CSMD1: variants seen among roughly 807,000 people sequenced by gnomAD.
CSMD1 encodes CUB and sushi domain-containing protein 1.
A neutral mutation model predicts 417.5 loss-of-function variants in CSMD1; 213 were observed. The observed-to-expected ratio is 0.51, with a 90% CI of 0.46 to 0.57. The LOEUF is 0.57. CSMD1 is among the 20% of genes least tolerant of loss of function. The pLI is 0.00. For synonymous variants in CSMD1, 2,862 were observed against 1,736.8 expected (o/e 1.65, Z -16.11); for missense variants, 6,923 against 4,529.7 (o/e 1.53, Z -15.17).
chr8:4,618,208 C>G (rs954274627), intron 2 of CSMD1, among the ~76,000 whole-genome samples: 2 of 152,158 alleles, frequency 1.3e-5, no homozygotes, highest in Non-Finnish European at 2.9e-5. Context: ...TTTCCCCCAT[C>G]TGGAAAGACT....
At chr8:4,170,795 G>A (rs980176430) in intron 3 of CSMD1, among the ~76,000 whole-genome samples, 1 of 151,604 alleles carries the variant, frequency 6.6e-6, no homozygotes, top group African/African-American at 2.4e-5. Context: ...GTTCTGTTTG[G>A]GGATTACCTA....
At chr8:4,407,098 T>A (rs1585027672) in intron 3 of CSMD1, among the ~76,000 whole-genome samples, 1 of 152,180 alleles carries the variant, frequency 6.6e-6, no homozygotes, top group Non-Finnish European at 1.5e-5. Flanking sequence ...TTTCATACTG[T>A]AGCAGCAGAG....
At chr8:3,099,993 G>A (rs1354524770) in intron 46 of CSMD1, among the ~76,000 whole-genome samples, 5 of 151,970 alleles carry the variant, frequency 3.3e-5, no homozygotes, top group Non-Finnish European at 7.4e-5. Context: ...CATACATATT[G>A]TTTTCAAAAT....
intron 1 of CSMD1, among the ~76,000 whole-genome samples, chr8:4,841,037 G>C (rs141700424): frequency 1.9e-4 from 29 of 152,286 alleles, no homozygotes; most frequent in African/African-American, 7.0e-4. Context: ...CACCCTGTCA[G>C]CACCAACGTT....
chr8:3,047,667 G>A (rs754511467), intron 50 of CSMD1, among the ~76,000 whole-genome samples: 2 of 152,120 alleles, frequency 1.3e-5, no homozygotes, highest in Middle Eastern at 3.2e-3. Flanking sequence ...CCCAACCAAC[G>A]ACTTAAAACC....
chr8:3,108,050 C>T lies in CSMD1; in HGVS notation c.6755-252G>A, dbSNP rs925801010. Among the ~76,000 whole-genome samples, 24 of 152,118 alleles carry T rather than the reference C, an allele frequency of 1.6e-4. No individual in the cohort carries two copies. The South Asian group carries it at 3.3e-3, about 21-fold the overall frequency. ...TTTTAAAGTATACCATTTAAATAAA[C>T]ACACTTTACAGATGTTTGGAATTCT... On this transcript the variant is annotated intron_variant, in intron 44 of 69. Coordinates refer to ENST00000635120, the MANE Select transcript of CSMD1 (RefSeq NM_033225.6).
chr8:3,930,852 A>T (rs1292411481), intron 5 of CSMD1, among the ~76,000 whole-genome samples: 2 of 150,828 alleles, frequency 1.3e-5, no homozygotes, highest in East Asian at 3.9e-4. Context: ...TAGATATCTT[A>T]ATAGTTAACT....
chr8:4,671,635 A>C (rs544939565), intron 1 of CSMD1, among the ~76,000 whole-genome samples: 1 of 152,154 alleles, frequency 6.6e-6, no homozygotes, highest in Admixed American at 6.5e-5. Flanking sequence ...AGAGAGCTTC[A>C]ACTAAAACGT....
chr8:4,550,296 C>G (rs866392858), intron 2 of CSMD1, among the ~76,000 whole-genome samples: 1 of 150,674 alleles, frequency 6.6e-6, no homozygotes, highest in South Asian at 2.1e-4. Flanking sequence ...ATGAGGAATA[C>G]AACACATTTC....
intron 4 of CSMD1, among the ~76,000 whole-genome samples, chr8:4,030,162 T>C (rs895590102): frequency 4.0e-5 from 6 of 151,374 alleles, no homozygotes; most frequent in Non-Finnish European, 7.4e-5. Context: ...TCTACCATTC[T>C]GGAGTCTGAA....
intron 2 of CSMD1, among the ~76,000 whole-genome samples, chr8:4,600,213 T>C (rs369176428): frequency 9.4e-5 from 8 of 84,950 alleles, no homozygotes; most frequent in African/African-American, 2.8e-4. Flanking sequence ...TATCTGGCCA[T>C]GGACCCTCCT....
intron 23 of CSMD1, among the ~76,000 whole-genome samples, chr8:3,324,079 C>G (rs1479758041): frequency 6.7e-6 from 1 of 149,298 alleles, no homozygotes; most frequent in Admixed American, 6.7e-5. Flanking sequence ...CACCCAACCC[C>G]AGAGACCCAG....
intron 20 of CSMD1, among the ~76,000 whole-genome samples, chr8:3,363,640 G>A (rs1317021966): frequency 6.6e-6 from 1 of 152,134 alleles, no homozygotes; most frequent in East Asian, 1.9e-4. Flanking sequence ...CCATTCTCCT[G>A]CCTCAGTCTC....
At chr8:3,175,836 C>T (rs1240131369) in intron 37 of CSMD1, among the ~76,000 whole-genome samples, 1 of 152,000 alleles carries the variant, frequency 6.6e-6, no homozygotes, top group Non-Finnish European at 1.5e-5. Flanking sequence ...ACTGGGTTTC[C>T]TAGTAGTGAA....
At chr8:3,940,628 A>T (rs1408795934) in intron 5 of CSMD1, among the ~76,000 whole-genome samples, 2 of 151,864 alleles carry the variant, frequency 1.3e-5, no homozygotes, top group Non-Finnish European at 2.9e-5. Context: ...GCCAATCAAT[A>T]TGTAACCTTA....
chr8:4,586,152 G>C (rs1799688513), intron 2 of CSMD1, among the ~76,000 whole-genome samples: 1 of 152,078 alleles, frequency 6.6e-6, no homozygotes, highest in Admixed American at 6.6e-5. Flanking sequence ...CCATTTCTTT[G>C]TGTTTAAAAA....
At chr8:3,130,833 C>G (rs1817755773) in intron 41 of CSMD1, among the ~76,000 whole-genome samples, 1 of 152,180 alleles carries the variant, frequency 6.6e-6, no homozygotes, top group Non-Finnish European at 1.5e-5. Context: ...ACGGCTGCAG[C>G]CTCTATGGCT....
intron 9 of CSMD1, among the ~76,000 whole-genome samples, chr8:3,576,015 T>A (rs541811258): frequency 3.3e-5 from 5 of 152,120 alleles, no homozygotes; most frequent in African/African-American, 1.2e-4. Flanking sequence ...AGACATCCTA[T>A]GACACAAACT....
At chr8:4,885,917 T>G (rs955614610) in intron 1 of CSMD1, among the ~76,000 whole-genome samples, 2 of 152,118 alleles carry the variant, frequency 1.3e-5, no homozygotes, top group Non-Finnish European at 2.9e-5. Context: ...TTTATGCCTG[T>G]GTTTTCTTTG....
Sources: allele counts gnomAD v4.1 joint callset (sites outside exome capture counted in the v4.1 genomes callset), GRCh38; gene constraint gnomAD v4.1.1; transcripts MANE v1.5; gene names NCBI Gene and HGNC (gene_info 2026-07-23, HGNC 2026-07-21).